Variants in SAMD3 observed in about 807,000 individuals in gnomAD.
SAMD3 encodes sterile alpha motif domain containing 3, also known as sterile alpha motif domain-containing protein 3.
SAMD3 carries 63 observed loss-of-function variants against 58.5 expected under a neutral mutation model. That is an observed-to-expected ratio of 1.08 (90% CI 0.88 to 1.33). The LOEUF is 1.33. SAMD3 is among the 40% of genes most tolerant of loss of function. SAMD3 has a pLI of 0.00. For missense variants in SAMD3, 604 were observed against 608.4 expected (o/e 0.99, Z 0.08); for synonymous variants, 220 against 210.3 (o/e 1.05, Z -0.40).
intron 1 of SAMD3, among the ~76,000 whole-genome samples, chr6:130,315,403 T>C (rs1422735043): frequency 2.6e-5 from 4 of 152,166 alleles, no homozygotes; most frequent in Non-Finnish European, 5.9e-5. Context: ...CATTTGGAGA[T>C]TGAGTTATGT....
At position 130,155,936 on chromosome 6, in the gene SAMD3, T is replaced by C. The variant is rs1331809828; in HGVS notation, c.823-911A>G. The stretch of plus-strand genomic sequence containing the variant: ...ATCTTATACAAATTTAGTTGGAAGA[T>C]AAAAGTCTTTCCACAAAGAAAATAC... On this transcript the variant is annotated intron_variant, in intron 8 of 11. Transcript: ENST00000439090. 2.0e-5 allele frequency among the ~76,000 whole-genome samples: 3 copies of C among 152,274 alleles called. No individual in the cohort carries two copies. In the East Asian group the frequency reaches 5.8e-4, roughly 29 times the overall value.
intron 1 of SAMD3, among the ~76,000 whole-genome samples, chr6:130,354,436 C>T (rs892310578): frequency 1.3e-4 from 20 of 152,110 alleles, no homozygotes; most frequent in Non-Finnish European, 2.1e-4. Context: ...TTGCTCACCA[C>T]TGGTAGACTG....
intron 2 of SAMD3, among the ~76,000 whole-genome samples, chr6:130,285,118 C>A (rs1460834420): frequency 6.6e-6 from 1 of 152,182 alleles, no homozygotes. Context: ...ATAATTCCAT[C>A]TGATCATTCC....
At chr6:130,158,621 C>T (rs2114604128) in intron 8 of SAMD3, among the ~76,000 whole-genome samples, 1 of 152,250 alleles carries the variant, frequency 6.6e-6, no homozygotes, top group African/African-American at 2.4e-5. Flanking sequence ...AGTGGAGGGC[C>T]TTGACTACAA....
At chr6:130,183,054 T>C (rs1792521043) in intron 7 of SAMD3, 1 of 282,704 alleles carries the variant, frequency 3.5e-6, no homozygotes, top group Non-Finnish European at 6.9e-6. Flanking sequence ...ATTCACATTG[T>C]TGTGCAATGA....
chr6:130,271,732 GA>G (rs1774570663), intron 2 of SAMD3, among the ~76,000 whole-genome samples: 1 of 152,196 alleles, frequency 6.6e-6, no homozygotes, highest in Non-Finnish European at 1.5e-5. Flanking sequence ...ATTAATAAAG[GA>G]AAGAGGTTTA....
At chr6:130,285,679 T>C (rs997720684) in intron 2 of SAMD3, among the ~76,000 whole-genome samples, 44 of 152,260 alleles carry the variant, frequency 2.9e-4, no homozygotes, top group Admixed American at 2.9e-3. Context: ...TGTAATGTCA[T>C]TGCTAGTTGT....
rs552709605 is a variant in SAMD3, at chr6:130,197,018, A to G, written c.384-12395T>C. ...ACCTTTATATCCCTTACGGTCCTCC[A>G]TCTTCAGGAAAAGTAGAACGGAGTA... On this transcript the variant is annotated intron_variant, in intron 5 of 11. Transcript: ENST00000439090. Among the ~76,000 whole-genome samples the G allele has an allele frequency of 3.5e-3, 538 of 152,268 alleles. 7 individuals carry two copies. Among genetic ancestry groups the G allele is most frequent in the African/African-American group, 0.012 (515 of 41,558 alleles).
intron 2 of SAMD3, among the ~76,000 whole-genome samples, chr6:130,293,435 T>C (rs1229164271): frequency 6.6e-6 from 1 of 152,168 alleles, no homozygotes; most frequent in Non-Finnish European, 1.5e-5. Flanking sequence ...GTTTTCTGGC[T>C]GCATTGCCTC....
At chr6:130,185,563 G>A (rs1472647951) in intron 5 of SAMD3, among the ~76,000 whole-genome samples, 2 of 151,524 alleles carry the variant, frequency 1.3e-5, no homozygotes, top group South Asian at 2.1e-4. Flanking sequence ...TCCTGACCTC[G>A]TGATCTGCCC....
chr6:130,251,194 T>C (rs908598309), intron 2 of SAMD3, among the ~76,000 whole-genome samples: 3 of 152,130 alleles, frequency 2.0e-5, no homozygotes, highest in Non-Finnish European at 4.4e-5. Flanking sequence ...TAGAGACACA[T>C]CTCTGTATGC....
intron 1 of SAMD3, among the ~76,000 whole-genome samples, chr6:130,313,465 C>T (rs1006065881): frequency 1.3e-5 from 2 of 152,170 alleles, no homozygotes; most frequent in African/African-American, 4.8e-5. Context: ...TAACCACTGA[C>T]TCCTTAAGGA....
chr6:130,167,999 T>A (rs1195504157), intron 8 of SAMD3, among the ~76,000 whole-genome samples: 1 of 152,194 alleles, frequency 6.6e-6, no homozygotes, highest in Non-Finnish European at 1.5e-5. Flanking sequence ...AGCCAAAGAA[T>A]ATAGCCTAAG....
At chr6:130,309,095 G>A (rs1201756186) in intron 2 of SAMD3, among the ~76,000 whole-genome samples, 1 of 152,142 alleles carries the variant, frequency 6.6e-6, no homozygotes, top group African/African-American at 2.4e-5. Context: ...AGTGAGAAGA[G>A]AGCCTTCTCC....
At chr6:130,281,747 T>C (rs532866475) in intron 2 of SAMD3, among the ~76,000 whole-genome samples, 3 of 152,044 alleles carry the variant, frequency 2.0e-5, no homozygotes, top group Admixed American at 2.0e-4. Context: ...GGAGAAACCA[T>C]GTCTCTACTA....
chr6:130,245,845 AT>A (rs200450965), intron 2 of SAMD3, among the ~76,000 whole-genome samples: 10 of 151,596 alleles, frequency 6.6e-5, no homozygotes, highest in African/African-American at 9.7e-5. Flanking sequence ...GTACTGCAAC[AT>A]TTTTTTTTCT....
intron 2 of SAMD3, among the ~76,000 whole-genome samples, chr6:130,248,852 T>G (rs1008854683): frequency 1.3e-5 from 2 of 152,154 alleles, no homozygotes; most frequent in African/African-American, 4.8e-5. Context: ...TGAATCCTGC[T>G]CTTATTCCTG....
At chr6:130,162,751 G>A (rs577413251) in intron 8 of SAMD3, among the ~76,000 whole-genome samples, 6 of 152,264 alleles carry the variant, frequency 3.9e-5, no homozygotes, top group African/African-American at 1.4e-4. Flanking sequence ...TCACCAGCAA[G>A]TAACTGGACA....
intron 7 of SAMD3, 117 bp downstream of exon 7, chr6:130,183,985 AG>A: frequency 3.1e-6 from 1 of 324,736 alleles, no homozygotes; most frequent in Admixed American, 4.2e-5. Context: ...AGACAGAATG[AG>A]AGAGAGAGAG....
Sources: gnomAD v4.1 joint callset for allele counts (sites outside exome capture counted in the v4.1 genomes callset) on GRCh38, gnomAD v4.1.1 for gene constraint, MANE v1.5 for transcripts, NCBI Gene and HGNC (gene_info 2026-07-23, HGNC 2026-07-21) for gene names.